The following EOGT variants were observed in gnomAD, a reference collection of about 807,000 sequenced individuals.
EOGT encodes the protein EGF domain-specific O-linked N-acetylglucosamine transferase.
Under a neutral mutation model 70.5 loss-of-function variants are expected in EOGT, and 55 were observed. The observed-to-expected ratio is 0.78, with a 90% CI of 0.63 to 0.98. EOGT has a LOEUF of 0.98. Among genes scored for constraint, EOGT ranks in the 50% least tolerant of loss-of-function variants. The pLI, the probability that EOGT is intolerant of heterozygous loss-of-function variation, is 0.00. For missense variants in EOGT, 703 were observed against 641.9 expected (o/e 1.10, Z -1.03); for synonymous variants, 246 against 217.1 (o/e 1.13, Z -1.17).
chr3:68,988,933 A>G lies in EOGT; in HGVS notation c.916T>C (p.Ser306Pro). 6.6e-7 allele frequency: 1 copy of G among 1,514,410 alleles called. No individual in the cohort carries two copies. The highest frequency in any genetic ancestry group is 2.5e-5 in the East Asian group (1 of 40,616). 93.8% of individuals were successfully genotyped at this position (1,514,410 alleles called of 1,614,324 possible). ...AGGAAAATTTCCAGTACCCTTTTGG[A>G]ATCATAAGTTTTCAAATGTATAACG... is the stretch of plus-strand genomic sequence containing the variant. ...YDVIHLKTYDSKRVCFKEAVF... is the reference protein window; with the variant it reads ...YDVIHLKTYDPKRVCFKEAVF... The change falls in exon 11 of 18, where the codon TCC becomes CCC. Residue 306 changes from serine to proline, a missense_variant. Transcript: ENST00000383701.
chr3:68,977,563 A>G lies in EOGT; in HGVS notation c.*55T>C. The G allele has an allele frequency of 1.3e-6, 2 of 1,569,868 alleles. No homozygotes were observed. The highest frequency in any genetic ancestry group is 1.7e-6 in the Non-Finnish European group (2 of 1,150,370). On this transcript the variant is annotated 3_prime_UTR_variant, in exon 18 of 18. Transcript: ENST00000383701. ...AGATTGCTTTACTGATTTAATTCTA[A>G]GTCTGGGTGTTGGAGTGTTTAAACA...
At position 69,004,407 on chromosome 3, in the gene EOGT, T is replaced by C. The variant is rs576952007; in HGVS notation, c.591A>G (p.Glu197=). The C allele has an allele frequency of 1.8e-5, 29 of 1,614,058 alleles. No individual in the cohort carries two copies. In the African/African-American group the frequency reaches 3.7e-4, roughly 21 times the overall value. Reference sequence around the variant, plus strand: ...ACTGCAGAGGGCTTTTGCGCTGACCTTCAGACGTCAATGTACGGATGTCAA... The same window carrying C: ...ACTGCAGAGGGCTTTTGCGCTGACCCTCAGACGTCAATGTACGGATGTCAA... ...CKLDIRTLTS[E]GQRKSPLQSW... Residue 197 remains glutamate, a synonymous_variant, in exon 8 of 18, where the codon GAA becomes GAG. Coordinates refer to ENST00000383701, the MANE Select transcript of EOGT (RefSeq NM_001278689.2).
chr3:69,010,564 T>C (rs2091551408), intron 3 of EOGT, among the ~76,000 whole-genome samples: 1 of 152,152 alleles, frequency 6.6e-6, no homozygotes, highest in African/African-American at 2.4e-5. Context: ...ATCTGTAAAA[T>C]GGAAATAATA....
chr3:68,985,195 C>T (rs1457574671), intron 14 of EOGT, among the ~76,000 whole-genome samples: 1 of 152,166 alleles, frequency 6.6e-6, no homozygotes, highest in African/African-American at 2.4e-5. Flanking sequence ...AGTGAGGCTT[C>T]TCATTTGTAT....
intron 14 of EOGT, among the ~76,000 whole-genome samples, chr3:68,983,664 C>A (rs779206691): frequency 2.0e-5 from 3 of 152,158 alleles, no homozygotes; most frequent in Non-Finnish European, 4.4e-5. Flanking sequence ...ACTTAATCCT[C>A]GTAAGAATCA....
At chr3:69,007,846 T>C (rs2091478844) in intron 5 of EOGT, 25 bp from the exon 6 acceptor site, 1 of 1,535,192 alleles carries the variant, frequency 6.5e-7, no homozygotes, top group Admixed American at 1.9e-5. Flanking sequence ...AAATATTCTG[T>C]GTTTTTTTCT....
intron 5 of EOGT, among the ~76,000 whole-genome samples, chr3:69,008,074 C>T (rs1425048720): frequency 6.6e-6 from 1 of 152,146 alleles, no homozygotes; most frequent in Non-Finnish European, 1.5e-5. Context: ...GCCAATGATG[C>T]ATTCTTAATT....
chr3:68,985,484 A>G (rs748491689), intron 14 of EOGT, among the ~76,000 whole-genome samples: 1 of 152,164 alleles, frequency 6.6e-6, no homozygotes. Flanking sequence ...CTCTTACTGA[A>G]TATTTTCCAG....
intron 14 of EOGT, among the ~76,000 whole-genome samples, chr3:68,986,518 A>C (rs376343546): frequency 5.9e-4 from 90 of 152,274 alleles, no homozygotes; most frequent in African/African-American, 2.1e-3. Context: ...AAGATGCTAC[A>C]GTCATATTGG....
chr3:69,006,003 T>A (rs2091430828), intron 6 of EOGT, among the ~76,000 whole-genome samples: 1 of 152,240 alleles, frequency 6.6e-6, no homozygotes, highest in South Asian at 2.1e-4. Flanking sequence ...GCCAAATTCA[T>A]ATGTTGAAAT....
At position 68,998,025 on chromosome 3, in the gene EOGT, C is replaced by G. The variant is rs551271959; in HGVS notation, c.817G>C (p.Val273Leu). Residue 273 changes from valine (V) to leucine (L), a missense_variant, in exon 10 of 18, where the codon GTG (valine) becomes CTG (leucine). By Grantham distance (32) the Val-to-Leu change is conservative. Transcript: ENST00000383701. Reference sequence around the variant, plus strand: ...TTCTTACTTACGGTGTCCCACATCACGATGTACACGTCAGTACTGAATGAG... The same window carrying G: ...TTCTTACTTACGGTGTCCCACATCAGGATGTACACGTCAGTACTGAATGAG... Reference protein sequence around the residue: ...NNSFSTDVYIVMWDTSSYGYG... With the variant: ...NNSFSTDVYILMWDTSSYGYG... The G allele has an allele frequency of 6.4e-7, 1 of 1,553,896 alleles. No individual in the cohort carries two copies. The highest frequency in any genetic ancestry group is 8.7e-7 in the Non-Finnish European group (1 of 1,143,672).
At chr3:68,985,244 G>A (rs1307649812) in intron 14 of EOGT, among the ~76,000 whole-genome samples, 1 of 152,042 alleles carries the variant, frequency 6.6e-6, no homozygotes, top group African/African-American at 2.4e-5. Context: ...GTATTTCTAG[G>A]TCTTTAAACA....
chr3:68,994,144 A>G (rs2091077481), intron 10 of EOGT, among the ~76,000 whole-genome samples: 1 of 152,052 alleles, frequency 6.6e-6, no homozygotes, highest in East Asian at 1.9e-4. Flanking sequence ...ACACACACAT[A>G]TGTTATGACT....
Position 68,987,532 on chromosome 3 carries a change from G to T in EOGT, c.1084-19C>A, listed in dbSNP as rs4855541. On this transcript the variant is annotated intron_variant, in intron 13 of 17. Coordinates refer to ENST00000383701, the MANE Select transcript of EOGT (RefSeq NM_001278689.2). ...TTCCATCCTGTAATCAAAATGAAAC[G>T]GTAAAATAACACTGCATATGCCTGG... The T allele has an allele frequency of 6.3e-6, 10 of 1,594,124 alleles. No homozygotes were observed. The highest frequency in any genetic ancestry group is 8.6e-6 in the Non-Finnish European group (10 of 1,162,974).
At chr3:68,982,751 C>A in intron 15 of EOGT, 60 bp downstream of exon 15, 2 of 1,269,526 alleles carry the variant, frequency 1.6e-6, no homozygotes, top group South Asian at 1.5e-5. Flanking sequence ...TGCTTTCTAG[C>A]CCCCTTGACC....
intron 9 of EOGT, among the ~76,000 whole-genome samples, chr3:68,999,041 A>C (rs760283812): frequency 1.3e-5 from 2 of 152,196 alleles, no homozygotes; most frequent in Non-Finnish European, 2.9e-5. Context: ...TCTGATTGAA[A>C]GAGAAGCAAT....
At chr3:69,004,884 G>A (rs949488868) in intron 7 of EOGT, among the ~76,000 whole-genome samples, 2 of 151,980 alleles carry the variant, frequency 1.3e-5, no homozygotes, top group African/African-American at 4.8e-5. Flanking sequence ...GGCAACGTTA[G>A]AAGACCCCAT....
At chr3:69,005,364 T>C (rs918638116) in intron 6 of EOGT, 130 bp from the exon 7 acceptor site, 2 of 526,912 alleles carry the variant, frequency 3.8e-6, no homozygotes, top group African/African-American at 3.9e-5. Flanking sequence ...AGGAAAGCTC[T>C]CCAAAGACTG....
intron 8 of EOGT, among the ~76,000 whole-genome samples, chr3:69,003,572 T>C (rs1432517329): frequency 2.6e-5 from 4 of 152,238 alleles, no homozygotes; most frequent in Non-Finnish European, 5.9e-5. Context: ...CATGAGTCCA[T>C]TAAACCTCTT....
Sources: allele counts gnomAD v4.1 joint callset (sites outside exome capture counted in the v4.1 genomes callset), GRCh38; gene constraint gnomAD v4.1.1; transcripts MANE v1.5; gene names NCBI Gene and HGNC (gene_info 2026-07-23, HGNC 2026-07-21).